Variants in ELF1 observed in about 807,000 individuals in gnomAD.
The protein encoded by ELF1 is E74 like ETS transcription factor 1.
A neutral mutation model predicts 59.9 loss-of-function variants in ELF1; 24 were observed. The ratio of observed to expected loss-of-function variants is 0.40; its 90% CI spans 0.29 to 0.56. ELF1 has a LOEUF of 0.56. Ranked by LOEUF, ELF1 falls within the 20% of genes least tolerant of loss-of-function variation. ELF1 has a pLI of 0.44. For missense variants in ELF1, 627 were observed against 742.2 expected, an observed-to-expected ratio of 0.84 and a Z score of 1.80; for synonymous variants, 248 against 266.2, an observed-to-expected ratio of 0.93 and a Z score of 0.67.
chr13:40,967,930 T>A (rs1051332634), intron 2 of ELF1, among the ~76,000 whole-genome samples: 3 of 152,172 alleles, frequency 2.0e-5, no homozygotes, highest in African/African-American at 7.2e-5. Flanking sequence ...TTATTTATTA[T>A]TTCTTTTGCT....
At chr13:41,058,898 G>A (rs1877384558) in intron 1 of ELF1, among the ~76,000 whole-genome samples, 1 of 152,196 alleles carries the variant, frequency 6.6e-6, no homozygotes, top group Non-Finnish European at 1.5e-5. Context: ...GCTTGAATCC[G>A]GGAGGCGGAG....
At position 40,949,851 on chromosome 13, in the gene ELF1, C is replaced by T. The variant is rs759070371; in HGVS notation, c.484G>A (p.Asp162Asn). ...ETQQVQEKYA[D>N]SPGASSPEQP... ...TCTGGTGATGAGGCTCCCGGTGAGT[C>T]TGCATATTTTTCTTGCACCTGCTGT... The change falls in exon 5 of 9, where the codon GAC (aspartate) becomes AAC (asparagine). Residue 162 changes from aspartate to asparagine, a missense_variant. Physicochemically the swap from Asp to Asn is conservative, Grantham distance 23 (BLOSUM62 1). Transcript: ENST00000239882. 4 of 1,614,074 alleles carry T rather than the reference C, an allele frequency of 2.5e-6. No homozygotes were observed. The highest frequency in any genetic ancestry group is 1.7e-5 in the Admixed American group (1 of 60,000).
chr13:41,004,757 AT>A (rs962229264), intron 1 of ELF1, among the ~76,000 whole-genome samples: 5 of 152,254 alleles, frequency 3.3e-5, no homozygotes, highest in East Asian at 1.9e-4. Context: ...TCAAATGCCA[AT>A]TTTTTTATGG....
At chr13:41,020,364 G>T (rs570312754), upstream of ELF1, among the ~76,000 whole-genome samples, 220 of 152,328 alleles carry the variant, frequency 1.4e-3, 2 homozygotes, top group Middle Eastern at 6.8e-3. Flanking sequence ...CAACTCAATA[G>T]ATAGCCTTCG....
chr13:41,041,123 G>A (rs774897821), intron 1 of ELF1, among the ~76,000 whole-genome samples: 1 of 152,036 alleles, frequency 6.6e-6, no homozygotes, highest in Non-Finnish European at 1.5e-5. Context: ...CACAAACAAA[G>A]GCAGTGGGGT....
chr13:41,054,746 A>G (rs549446693), intron 1 of ELF1, among the ~76,000 whole-genome samples: 1 of 152,314 alleles, frequency 6.6e-6, no homozygotes, highest in East Asian at 1.9e-4. Context: ...GACCTTTGTC[A>G]AGGCCTAATG....
chr13:40,974,746 T>G (rs1872798512), intron 2 of ELF1, among the ~76,000 whole-genome samples: 1 of 152,042 alleles, frequency 6.6e-6, no homozygotes, highest in African/African-American at 2.4e-5. Context: ...AAAAGAGTAA[T>G]AAGTTCCTAC....
chr13:40,948,855 T>C (rs1224987404), intron 5 of ELF1, among the ~76,000 whole-genome samples: 2 of 152,188 alleles, frequency 1.3e-5, no homozygotes, highest in Non-Finnish European at 1.5e-5. Flanking sequence ...CAATAACCCC[T>C]GGGAAGGAAG....
chr13:41,051,866 G>C lies in ELF1; in HGVS notation c.-229+8972C>G, dbSNP rs1025994376. On this transcript the variant is annotated intron_variant, in intron 1 of 1. Transcript: ENST00000405737. ...AGTTTGCATACACACAAAATTTATA[G>C]AATAGTTATTGCTTTTTCAAAGTTC... 7.9e-5 allele frequency among the ~76,000 whole-genome samples: 12 copies of C among 151,036 alleles called. No homozygotes were observed. The East Asian group carries it at 1.6e-3, about 20-fold the overall frequency.
chr13:40,936,008 A>G (rs1869744752), intron 8 of ELF1, among the ~76,000 whole-genome samples: 1 of 152,188 alleles, frequency 6.6e-6, no homozygotes, highest in Admixed American at 6.5e-5. Context: ...ACATACACAT[A>G]GATAAAATAG....
chr13:41,058,253 G>C (rs2772182), intron 1 of ELF1, among the ~76,000 whole-genome samples: 22,628 of 152,136 alleles, frequency 0.15, 1,848 homozygotes, highest in Non-Finnish European at 0.19. Flanking sequence ...TTCCCAGCTT[G>C]ATCTCCCATG....
intron 1 of ELF1, among the ~76,000 whole-genome samples, chr13:41,017,630 C>T (rs73176936): frequency 1.0e-3 from 155 of 152,132 alleles, no homozygotes; most frequent in Admixed American, 2.6e-3. Flanking sequence ...GTCTCTATCA[C>T]GTAAGAAAAT....
At chr13:40,963,870 C>T (rs1235460400) in intron 2 of ELF1, among the ~76,000 whole-genome samples, 1 of 151,738 alleles carries the variant, frequency 6.6e-6, no homozygotes, top group African/African-American at 2.4e-5. Context: ...CGCACCACTG[C>T]ACTCCAACTT....
chr13:41,056,176 AT>A lies in ELF1; in HGVS notation c.-229+4661del, dbSNP rs1877281170. ...CAGTCACCTCACCCCAAACCTCCCT[AT>A]CCCCTCTAATCCAAGGCAACCACTA... On this transcript the variant is annotated intron_variant, in intron 1 of 1. Transcript: ENST00000405737. Among the ~76,000 whole-genome samples, 3 of 152,040 alleles carry A rather than the reference AT, an allele frequency of 2.0e-5. No homozygotes were observed. The South Asian group carries it at 6.2e-4, about 32-fold the overall frequency.
intron 1 of ELF1, among the ~76,000 whole-genome samples, chr13:41,017,970 A>C (rs191475520): frequency 9.8e-5 from 15 of 152,312 alleles, no homozygotes; most frequent in African/African-American, 3.6e-4. Flanking sequence ...TAAGACCGCA[A>C]AATTGAGATC....
intron 2 of ELF1, among the ~76,000 whole-genome samples, chr13:40,959,976 C>T (rs777247278): frequency 2.0e-5 from 3 of 152,108 alleles, no homozygotes; most frequent in Non-Finnish European, 4.4e-5. Context: ...ATAAAAGTTG[C>T]AAAAACAGCA....
At chr13:40,962,169 C>T (rs1174206531) in intron 2 of ELF1, among the ~76,000 whole-genome samples, 3 of 152,158 alleles carry the variant, frequency 2.0e-5, no homozygotes, top group Non-Finnish European at 2.9e-5. Context: ...ATCACTGCTA[C>T]CAATTTCTTT....
intron 6 of ELF1, 104 bp downstream of exon 6, chr13:40,943,738 T>C: frequency 1.2e-6 from 1 of 861,454 alleles, no homozygotes; most frequent in South Asian, 2.9e-5. Flanking sequence ...AGCAATAAGA[T>C]CCACTGCAGT....
intron 1 of ELF1, among the ~76,000 whole-genome samples, chr13:41,044,385 G>C (rs186502857): frequency 1.6e-4 from 24 of 152,312 alleles, no homozygotes; most frequent in South Asian, 4.1e-4. Flanking sequence ...AGTTTTCAAA[G>C]GGAATGCTTC....
Sources: gnomAD v4.1 joint callset for allele counts (sites outside exome capture counted in the v4.1 genomes callset) on GRCh38, gnomAD v4.1.1 for gene constraint, MANE v1.5 for transcripts, NCBI Gene and HGNC (gene_info 2026-07-23, HGNC 2026-07-21) for gene names.